Variants in FHIT observed in about 807,000 individuals in gnomAD.
FHIT encodes fragile histidine triad diadenosine triphosphatase, also known as bis(5'-adenosyl)-triphosphatase.
Under a neutral mutation model 17.9 loss-of-function variants are expected in FHIT, and 19 were observed. The observed-to-expected ratio is 1.06, with a 90% confidence interval of 0.74 to 1.56. FHIT has a LOEUF of 1.56. FHIT is among the 40% of genes most tolerant of loss of function. FHIT has a pLI of 0.00. For synonymous variants in FHIT, 81 were observed against 69.7 expected (o/e 1.16, Z -0.81); for missense variants, 248 against 189.2 (o/e 1.31, Z -1.82).
chr3:60,019,620 G>A (rs541635447), intron 5 of FHIT, among the ~76,000 whole-genome samples: 357 of 152,112 alleles, frequency 2.3e-3, no homozygotes, highest in Non-Finnish European at 4.4e-3. Flanking sequence ...GTTTCTCCAC[G>A]TTGGTCAGGC....
intron 2 of FHIT, among the ~76,000 whole-genome samples, chr3:61,190,096 A>T (rs1389432172): frequency 6.6e-6 from 1 of 152,062 alleles, no homozygotes; most frequent in Non-Finnish European, 1.5e-5. Flanking sequence ...GATCTAATTA[A>T]ACTAAAGCAC....
rs936955239 is a variant in FHIT at position 59,754,779 on chromosome 3, T to TAAAAC, written c.349-2463_349-2459dup. 3.7e-4 allele frequency among the ~76,000 whole-genome samples: 56 copies of TAAAAC among 152,130 alleles called. 3 individuals carry two copies. The highest frequency in any genetic ancestry group is 3.5e-3 in the Admixed American group (54 of 15,264). On this transcript the variant is annotated intron_variant, in intron 8 of 9. Transcript: ENST00000492590. ...TTTTTGGGAAATAATAGGAAATAAA[T>TAAAAC]AAAACAAAAACTAATCATCTTTGCA...
At chr3:60,753,061 C>A (rs1296438970) in intron 4 of FHIT, among the ~76,000 whole-genome samples, 1 of 152,126 alleles carries the variant, frequency 6.6e-6, no homozygotes, top group Admixed American at 6.5e-5. Flanking sequence ...TCCAGGGTTC[C>A]TTACATCAGA....
chr3:60,744,756 G>A (rs2042323107), intron 4 of FHIT, among the ~76,000 whole-genome samples: 1 of 152,046 alleles, frequency 6.6e-6, no homozygotes, highest in Admixed American at 6.6e-5. Context: ...TGTTCTGATA[G>A]AGATTCATCT....
intron 2 of FHIT, among the ~76,000 whole-genome samples, chr3:61,163,422 G>A (rs1164909973): frequency 6.6e-6 from 1 of 152,210 alleles, no homozygotes; most frequent in Non-Finnish European, 1.5e-5. Flanking sequence ...GCACACAGAA[G>A]GCTGAAACAA....
intron 4 of FHIT, among the ~76,000 whole-genome samples, chr3:60,628,215 A>C (rs114230323): frequency 6.6e-6 from 1 of 152,246 alleles, no homozygotes; most frequent in Non-Finnish European, 1.5e-5. Flanking sequence ...CTCATTGGAT[A>C]TTTAGGAGTG....
intron 1 of FHIT, among the ~76,000 whole-genome samples, chr3:61,228,592 T>C (rs2040024934): frequency 1.3e-5 from 2 of 152,242 alleles, no homozygotes; most frequent in South Asian, 4.1e-4. Context: ...CTTGTATCAA[T>C]TTAATTTTTA....
At chr3:60,013,980 T>G in intron 6 of FHIT, 27 bp downstream of exon 6, 1 of 1,610,078 alleles carries the variant, frequency 6.2e-7, no homozygotes, top group Non-Finnish European at 8.5e-7. Flanking sequence ...GGAAGAAAAA[T>G]CATTTCTGAG....
intron 7 of FHIT, among the ~76,000 whole-genome samples, chr3:59,971,163 T>G (rs754403553): frequency 3.7e-4 from 56 of 152,138 alleles, no homozygotes; most frequent in South Asian, 6.2e-4. Context: ...CCCAGTTAAA[T>G]GAAGTTCAAG....
intron 5 of FHIT, among the ~76,000 whole-genome samples, chr3:60,205,876 A>C (rs1703147729): frequency 6.6e-6 from 1 of 152,028 alleles, no homozygotes; most frequent in Admixed American, 6.5e-5. Context: ...TGGGAGGCCG[A>C]GGGGGGCAGA....
At chr3:60,155,644 T>C (rs1268611750) in intron 5 of FHIT, among the ~76,000 whole-genome samples, 1 of 152,140 alleles carries the variant, frequency 6.6e-6, no homozygotes, top group East Asian at 1.9e-4. Context: ...CTCAGCACAG[T>C]GATTGATCCA....
intron 5 of FHIT, among the ~76,000 whole-genome samples, chr3:60,123,991 TATATATATATATATATATAGAG>T (rs1264993549): frequency 2.1e-5 from 1 of 48,694 alleles, no homozygotes; most frequent in African/African-American, 8.4e-5. Flanking sequence ...TATATATATA[TATATATATATATATATATAGAG>T]AGAGAGAGAG....
chr3:60,456,984 T>G (rs2032138486), intron 5 of FHIT, among the ~76,000 whole-genome samples: 2 of 152,034 alleles, frequency 1.3e-5, no homozygotes, highest in African/African-American at 2.4e-5. Context: ...AGAATCAATA[T>G]CATGAAAATG....
intron 8 of FHIT, among the ~76,000 whole-genome samples, chr3:59,906,918 T>C (rs1479929812): frequency 2.0e-5 from 3 of 152,240 alleles, no homozygotes; most frequent in East Asian, 3.8e-4. Flanking sequence ...GCAGTGTCAA[T>C]ACCCTTTCTG....
chr3:60,326,178 G>C (rs188788149), intron 5 of FHIT, among the ~76,000 whole-genome samples: 1 of 152,066 alleles, frequency 6.6e-6, no homozygotes, highest in Non-Finnish European at 1.5e-5. Flanking sequence ...GATGGTTTCA[G>C]GATGATTCAA....
chr3:60,356,632 G>A (rs774075982), intron 5 of FHIT, among the ~76,000 whole-genome samples: 2 of 151,610 alleles, frequency 1.3e-5, no homozygotes, highest in African/African-American at 2.4e-5. Flanking sequence ...ACAGGCTTTC[G>A]GGAGAAGCTA....
intron 4 of FHIT, chr3:60,690,237 A>G (rs1559642477): frequency 3.8e-6 from 2 of 528,742 alleles, no homozygotes; most frequent in Non-Finnish European, 7.4e-6. Flanking sequence ...AGAGCTGTCC[A>G]CAGTCAGCAA....
intron 7 of FHIT, among the ~76,000 whole-genome samples, chr3:59,991,570 A>G (rs917254912): frequency 6.6e-6 from 1 of 152,022 alleles, no homozygotes; most frequent in African/African-American, 2.4e-5. Flanking sequence ...CTTAAGTCTC[A>G]TCCTATTCAT....
chr3:59,895,823 C>T (rs950199473), intron 8 of FHIT, among the ~76,000 whole-genome samples: 48 of 152,176 alleles, frequency 3.2e-4, no homozygotes, highest in Non-Finnish European at 5.9e-4. Context: ...AACATCCTCA[C>T]GGGGGCTTAA....
Sources: gnomAD v4.1 joint callset for allele counts (sites outside exome capture counted in the v4.1 genomes callset) on GRCh38, gnomAD v4.1.1 for gene constraint, MANE v1.5 for transcripts, NCBI Gene and HGNC (gene_info 2026-07-23, HGNC 2026-07-21) for gene names.